The following ZNF157 variants were observed in gnomAD, a reference collection of about 807,000 sequenced individuals.
ZNF157 encodes zinc finger protein 22.
In ZNF157, 8 loss-of-function variants were observed where a neutral mutation model predicts 9.4. The ratio of observed to expected loss-of-function variants is 0.85; its 90% CI spans 0.50 to 1.53. The LOEUF is 1.53. Ranked by LOEUF, ZNF157 falls within the 40% of genes most tolerant of loss-of-function variation. The pLI is 0.00. For missense variants in ZNF157, 316 were observed against 385.2 expected, an observed-to-expected ratio of 0.82 and a Z score of 1.50; for synonymous variants, 120 against 130.8, an observed-to-expected ratio of 0.92 and a Z score of 0.56.
Position 47,383,662 on chromosome X carries a change from C to T in ZNF157, c.72+12922C>T, listed in dbSNP as rs759111345. Among the ~76,000 whole-genome samples the T allele has an allele frequency of 1.3e-4, 12 of 90,134 alleles. No homozygotes were observed. The East Asian group carries it at 4.3e-3, about 32-fold the overall frequency. The allele number at this position is 90,134 out of a possible 115,157, so 78.3% of individuals were successfully genotyped here. ...GGTCAAGCCTGCAGTAAGCCATGAT[C>T]GCACCACTGCACTCTGTCTCAGAAA... On this transcript the variant is annotated intron_variant, in intron 1 of 3. Transcript: ENST00000377073.
chrX:47,409,395 C>T (rs756083935), intron 1 of ZNF157, among the ~76,000 whole-genome samples: 31 of 111,264 alleles, frequency 2.8e-4, no homozygotes, highest in Middle Eastern at 9.5e-3. Flanking sequence ...AGTGCAGTGA[C>T]GCAATCTCAG....
intron 1 of ZNF157, among the ~76,000 whole-genome samples, chrX:47,393,784 G>A (rs111231034): frequency 0.012 from 1,113 of 91,244 alleles, 25 homozygotes; most frequent in African/African-American, 0.044. Flanking sequence ...TGTCGCCCAG[G>A]CTGGAGTGAT....
At chrX:47,375,749 C>T (rs1274375376) in intron 1 of ZNF157, among the ~76,000 whole-genome samples, 2 of 108,471 alleles carry the variant, frequency 1.8e-5, no homozygotes, top group Admixed American at 2.0e-4. Flanking sequence ...GCAGGAGTGC[C>T]ATGGTGTGAT....
In ZNF157 at chrX:47,412,877, C is replaced by T. The variant is rs569388979; in HGVS notation, c.804C>T (p.His268=). The T allele has an allele frequency of 1.7e-6, 2 of 1,212,061 alleles. No individual in the cohort carries two copies. The highest frequency in any genetic ancestry group is 3.5e-5 in the African/African-American group (2 of 57,933). ...KATLTIHQRT[H]TGEKPYECSE... ...CCCTCACGATTCATCAGAGAACTCA[C>T]ACAGGGGAGAAACCCTATGAATGTA... is the stretch of plus-strand genomic sequence containing the variant. Residue 268 remains histidine, a synonymous_variant, in exon 4 of 4, where the codon CAC becomes CAT. Transcript: ENST00000377073.
chrX:47,411,488 G>T (rs764403463), intron 3 of ZNF157, among the ~76,000 whole-genome samples: 14 of 109,878 alleles, frequency 1.3e-4, no homozygotes, highest in Non-Finnish European at 2.3e-4. Flanking sequence ...CCTAGTAGCT[G>T]GGACTACAGG....
At chrX:47,407,427 T>G (rs182828267) in intron 1 of ZNF157, among the ~76,000 whole-genome samples, 2 of 112,068 alleles carry the variant, frequency 1.8e-5, no homozygotes, top group Admixed American at 9.6e-5. Context: ...CCTTAAATAT[T>G]TGGTAGAATT....
intron 1 of ZNF157, among the ~76,000 whole-genome samples, chrX:47,378,505 G>A (rs756016644): frequency 8.1e-5 from 9 of 111,595 alleles, no homozygotes; most frequent in Non-Finnish European, 1.5e-4. Flanking sequence ...TTTGTTTTGG[G>A]AAAGGGCTGT....
chrX:47,376,791 C>G (rs2055846130), intron 1 of ZNF157, among the ~76,000 whole-genome samples: 1 of 111,649 alleles, frequency 9.0e-6, no homozygotes, highest in Non-Finnish European at 1.9e-5. Flanking sequence ...CATCTTTCTT[C>G]AAACCTCCGA....
rs1432377170 is a variant in ZNF157 at position 47,413,344 on chromosome X, G to A, written c.1271G>A (p.Ser424Asn). The A allele has an allele frequency of 1.2e-5, 15 of 1,211,402 alleles. No homozygotes were observed. Among genetic ancestry groups the A allele is most frequent in the Non-Finnish European group, 1.7e-5 (15 of 895,139 alleles). Residue 424 changes from serine (S) to asparagine (N), a missense_variant, in exon 4 of 4, where the codon AGT becomes AAT. Physicochemically the swap from Ser to Asn is conservative, Grantham distance 46. Transcript: ENST00000377073. ...YECSECGKIF[S>N]MKKSLCQHRR... is the part of the protein sequence containing the mutation. ...TGTAGTGAATGTGGGAAAATCTTCA[G>A]TATGAAGAAATCCCTTTGTCAACAC...
At chrX:47,397,245 T>C (rs187713609) in intron 1 of ZNF157, among the ~76,000 whole-genome samples, 3,663 of 93,078 alleles carry the variant, frequency 0.039, 149 homozygotes, top group African/African-American at 0.11. Flanking sequence ...TTCTTTCTTT[T>C]TTTTTTTTTT....
chrX:47,413,860 T>G lies in ZNF157; in HGVS notation c.*266T>G. ...TTCAAATGGGCTGTTCATCTCTTGC[T>G]TTTTGGTTTAAATGTTGTTTTTTAA... is the stretch of plus-strand genomic sequence containing the variant. On this transcript the variant is annotated 3_prime_UTR_variant, in exon 4 of 4. Coordinates refer to ENST00000377073, the MANE Select transcript of ZNF157 (RefSeq NM_003446.4). The G allele has an allele frequency of 3.9e-6, 1 of 253,982 alleles. No homozygotes were observed. Among genetic ancestry groups the G allele is most frequent in the Non-Finnish European group, 6.7e-6 (1 of 148,209 alleles). 20.9% of individuals were successfully genotyped at this position (253,982 alleles called of 1,213,427 possible).
chrX:47,396,082 A>G (rs1307189711), intron 1 of ZNF157, among the ~76,000 whole-genome samples: 1 of 111,317 alleles, frequency 9.0e-6, no homozygotes, highest in Non-Finnish European at 1.9e-5. Context: ...ATATTTATAT[A>G]TCCACACACG....
chrX:47,386,675 G>T (rs1027645916), intron 1 of ZNF157, among the ~76,000 whole-genome samples: 2 of 110,410 alleles, frequency 1.8e-5, no homozygotes, highest in Admixed American at 2.0e-4. Context: ...GGCCGGGCTG[G>T]TCTTGAACTC....
chrX:47,397,743 A>G (rs986120151), intron 1 of ZNF157, among the ~76,000 whole-genome samples: 1 of 110,886 alleles, frequency 9.0e-6, no homozygotes, highest in Non-Finnish European at 1.9e-5. Flanking sequence ...GGTAGTTAGG[A>G]TCAGATGCTC....
intron 1 of ZNF157, among the ~76,000 whole-genome samples, chrX:47,373,394 G>C (rs1332062650): frequency 2.7e-5 from 3 of 111,155 alleles, no homozygotes; most frequent in Non-Finnish European, 5.7e-5. Flanking sequence ...ATCAGCAAAA[G>C]AGGAACTGAC....
rs756359747 is a variant in ZNF157, at chrX:47,386,461, C to T, written c.72+15721C>T. 3.6e-5 allele frequency among the ~76,000 whole-genome samples: 4 copies of T among 110,984 alleles called. No homozygotes were observed. In the East Asian group the frequency reaches 8.4e-4, roughly 23 times the overall value. Reference sequence around the variant, plus strand: ...ATAAATGAAAGTATACAGTATGTGACTTTTTTTGTTTTTTTTTGAGATGGA... The same window carrying T: ...ATAAATGAAAGTATACAGTATGTGATTTTTTTTGTTTTTTTTTGAGATGGA... On this transcript the variant is annotated intron_variant, in intron 1 of 3. Coordinates refer to ENST00000377073, the MANE Select transcript of ZNF157 (RefSeq NM_003446.4).
intron 1 of ZNF157, among the ~76,000 whole-genome samples, chrX:47,406,610 G>A (rs2055948115): frequency 8.9e-6 from 1 of 111,768 alleles, no homozygotes; most frequent in African/African-American, 3.2e-5. Context: ...CCTGACCTCA[G>A]CTGATATGCC....
intron 1 of ZNF157, among the ~76,000 whole-genome samples, chrX:47,378,637 G>C (rs1380834645): frequency 8.9e-6 from 1 of 111,735 alleles, no homozygotes; most frequent in Non-Finnish European, 1.9e-5. Context: ...TCAGAAGTTT[G>C]AGACCAGCCT....
Position 47,413,514 on chromosome X carries a change from C to T in ZNF157, c.1441C>T (p.Arg481Trp), listed in dbSNP as rs1466864952. 2.6e-5 allele frequency: 31 copies of T among 1,210,088 alleles called. No homozygotes were observed. Among genetic ancestry groups the T allele is most frequent in the South Asian group, 3.5e-5 (2 of 56,806 alleles). Residue 481 changes from arginine to tryptophan, a missense_variant, in exon 4 of 4, where the codon CGG becomes TGG. Arg to Trp is a moderately radical substitution (Grantham distance 101, BLOSUM62 -3). Transcript: ENST00000377073. Reference protein sequence around the residue: ...ECQECGKAFCRKAHLTEHQRT... With the variant: ...ECQECGKAFCWKAHLTEHQRT... ...TCAAGAATGTGGGAAAGCTTTCTGC[C>T]GGAAAGCACACCTCACAGAACATCA...
Sources: allele counts gnomAD v4.1 joint callset (sites outside exome capture counted in the v4.1 genomes callset), GRCh38; gene constraint gnomAD v4.1.1; transcripts MANE v1.5; gene names NCBI Gene and HGNC (gene_info 2026-07-23, HGNC 2026-07-21).